PHF2: variants seen among roughly 807,000 people sequenced by gnomAD.
PHF2 encodes the protein PHD finger protein 2, also known as lysine-specific demethylase PHF2.
Under a neutral mutation model 120.5 loss-of-function variants are expected in PHF2, and 27 were observed. The ratio of observed to expected loss-of-function variants is 0.22; its 90% CI spans 0.17 to 0.31. The LOEUF (loss-of-function observed/expected upper bound fraction) is 0.31. Ranked by LOEUF, PHF2 falls within the 10% of genes least tolerant of loss-of-function variation. The pLI, the probability that PHF2 is intolerant of heterozygous loss-of-function variation, is 1.00. For missense variants in PHF2, 1,024 were observed against 1,434.8 expected, an observed-to-expected ratio of 0.71 and a Z score of 4.63; for synonymous variants, 568 against 592.5, an observed-to-expected ratio of 0.96 and a Z score of 0.60.
intron 1 of PHF2, among the ~76,000 whole-genome samples, chr9:93,608,233 G>A: frequency 6.6e-6 from 1 of 152,068 alleles, no homozygotes. Context: ...TAAGGTGAGA[G>A]GATTGCTTGA....
At chr9:93,665,595 C>T (rs975578815) in intron 14 of PHF2, 91 bp from the exon 15 acceptor site, 43 of 1,404,442 alleles carry the variant, frequency 3.1e-5, no homozygotes, top group East Asian at 2.5e-4. Flanking sequence ...CATCCTGCCG[C>T]GGCCCTGGCA....
intron 1 of PHF2, among the ~76,000 whole-genome samples, chr9:93,605,671 C>G (rs1825530020): frequency 6.6e-6 from 1 of 152,190 alleles, no homozygotes; most frequent in African/African-American, 2.4e-5. Context: ...AGTATGTCGG[C>G]TTTTCACTTG....
intron 1 of PHF2, among the ~76,000 whole-genome samples, chr9:93,620,966 C>G (rs1199227170): frequency 6.6e-6 from 1 of 152,250 alleles, no homozygotes; most frequent in African/African-American, 2.4e-5. Flanking sequence ...ACAATCGAAG[C>G]CCTGGATCCT....
At chr9:93,638,447 T>G (rs1826126252) in intron 3 of PHF2, among the ~76,000 whole-genome samples, 1 of 152,228 alleles carries the variant, frequency 6.6e-6, no homozygotes, top group South Asian at 2.1e-4. Flanking sequence ...TGAGCTTATT[T>G]TTGTATATGG....
chr9:93,671,070 G>A (rs1826774293), intron 17 of PHF2: 2 of 977,956 alleles, frequency 2.0e-6, no homozygotes, highest in South Asian at 9.5e-5. Context: ...TGCAGGTGGG[G>A]GTGCAGGGTG....
intron 1 of PHF2, among the ~76,000 whole-genome samples, chr9:93,613,554 C>G (rs1426463514): frequency 7.5e-6 from 1 of 134,150 alleles, no homozygotes; most frequent in East Asian, 2.4e-4. Flanking sequence ...TTCTGATTTT[C>G]TTTTTCTTTT....
intron 17 of PHF2, among the ~76,000 whole-genome samples, chr9:93,667,967 G>T (rs1826713512): frequency 2.0e-5 from 3 of 152,198 alleles, no homozygotes; most frequent in East Asian, 3.8e-4. Context: ...GCAACCCAGG[G>T]CCATGCTGCT....
At chr9:93,637,840 C>T (rs1210495661) in intron 3 of PHF2, among the ~76,000 whole-genome samples, 2 of 152,186 alleles carry the variant, frequency 1.3e-5, no homozygotes, top group Non-Finnish European at 1.5e-5. Context: ...CTCTGTTTAA[C>T]TGTTTGAAGA....
rs138856483 is a variant in PHF2 at position 93,667,237 on chromosome 9, G to A, written c.2345G>A (p.Ser782Asn). The change falls in exon 17 of 22, where the codon AGC becomes AAC. Residue 782 changes from serine to asparagine, a missense_variant. Transcript: ENST00000359246. The part of the protein sequence containing the change: ...EEVGALEYNP[S>N]SQPPASPSTQ... ...GTTGGCGCGCTGGAGTACAACCCCA[G>A]CAGGTGGGCCCCACCACCCGGCAGC... is the stretch of plus-strand genomic sequence containing the variant. 1.7e-5 allele frequency: 28 copies of A among 1,608,956 alleles called. No individual in the cohort carries two copies. Among genetic ancestry groups the A allele is most frequent in the African/African-American group, 5.3e-5 (4 of 74,898 alleles).
rs1826666147 is a variant in PHF2 at position 93,665,767 on chromosome 9, G to C, written c.2019G>C (p.Val673=). 1 of 1,614,156 alleles carries C rather than the reference G, an allele frequency of 6.2e-7. No homozygotes were observed. Among genetic ancestry groups the C allele is most frequent in the African/African-American group, 1.3e-5 (1 of 75,068 alleles). Reference sequence around the variant, plus strand: ...TCAAGGAGGACAAGCCCAAGCCCGTGCGGGATGAGTATGAGTACGTGTCGG... The same window carrying C: ...TCAAGGAGGACAAGCCCAAGCCCGTCCGGGATGAGTATGAGTACGTGTCGG... ...QNFKEDKPKP[V]RDEYEYVSDD... Residue 673 remains valine (V), a synonymous_variant, in exon 15 of 22, where the codon GTG becomes GTC. Transcript: ENST00000359246.
chr9:93,588,337 G>A (rs1204045280), intron 1 of PHF2, among the ~76,000 whole-genome samples: 2 of 152,230 alleles, frequency 1.3e-5, no homozygotes, highest in Non-Finnish European at 2.9e-5. Context: ...GAGGGGAGCA[G>A]CTCCAGGTGA....
At chr9:93,586,130 G>C (rs1863039999) in intron 1 of PHF2, among the ~76,000 whole-genome samples, 1 of 152,238 alleles carries the variant, frequency 6.6e-6, no homozygotes, top group African/African-American at 2.4e-5. Context: ...GGGGTGAAGT[G>C]GGGCTTTGGG....
chr9:93,656,619 G>A lies in PHF2; in HGVS notation c.1147+24G>A, dbSNP rs1004065143. On this transcript the variant is annotated intron_variant, in intron 9 of 21. Transcript: ENST00000359246. This position sits in a 1 kb window ranked among gnomAD's most constrained non-coding sequence, Gnocchi z 4.1. Reference sequence around the variant, plus strand: ...AGGTACTGGTCACTCCGGGGTGGGCGTCCAAGCCTGGGGCTCTTGGCTGTG... The same window carrying A: ...AGGTACTGGTCACTCCGGGGTGGGCATCCAAGCCTGGGGCTCTTGGCTGTG... 37 of 1,542,062 alleles carry A rather than the reference G, an allele frequency of 2.4e-5. No homozygotes were observed. The highest frequency in any genetic ancestry group is 1.9e-4 in the Middle Eastern group (1 of 5,362).
At chr9:93,607,004 CTG>C (rs2131622445) in intron 1 of PHF2, among the ~76,000 whole-genome samples, 1 of 152,270 alleles carries the variant, frequency 6.6e-6, no homozygotes, top group South Asian at 2.1e-4. Flanking sequence ...GATTGGTTGA[CTG>C]TATTTGTGTG....
At position 93,656,085 on chromosome 9, in the gene PHF2, C is replaced by T. The variant is rs73523904; in HGVS notation, c.1040+64C>T. 25,775 of 1,398,140 alleles carry T rather than the reference C, an allele frequency of 0.018. 305 individuals carry two copies. Among genetic ancestry groups the T allele is most frequent in the Middle Eastern group, 0.032 (176 of 5,564 alleles). The allele number at this position is 1,398,140 out of a possible 1,614,324, so 86.6% of individuals were successfully genotyped here. The stretch of plus-strand genomic sequence containing the variant: ...AGCAGCGTCCTCCCTCTAGCTGGGT[C>T]GGTGCTAGATGCCTTGGGCTGAGTC... On this transcript the variant is annotated intron_variant, in intron 8 of 21. Coordinates refer to ENST00000359246, the MANE Select transcript of PHF2 (RefSeq NM_005392.4). The surrounding 1 kb of genome is among the most constrained non-coding windows in gnomAD (Gnocchi z 4.1).
At chr9:93,629,893 C>T (rs1825971326) in intron 1 of PHF2, 77 bp from the exon 2 acceptor site, 2 of 1,394,102 alleles carry the variant, frequency 1.4e-6, no homozygotes, top group East Asian at 4.6e-5. Flanking sequence ...CAGGGATTCT[C>T]CCTAGAGCTT....
In PHF2 at chr9:93,627,492, A is replaced by ATTTTTTTTTTTT. The variant is rs55647503; in HGVS notation, c.99-2473_99-2462dup. Among the ~76,000 whole-genome samples the ATTTTTTTTTTTT allele has an allele frequency of 6.4e-3, 694 of 108,034 alleles. 37 individuals carry two copies. The highest frequency in any genetic ancestry group is 7.7e-3 in the Non-Finnish European group (422 of 54,806). 70.9% of individuals were successfully genotyped at this position (108,034 alleles called of 152,430 possible). A position where few individuals can be genotyped will look rare whatever the true frequency, so the allele number is the denominator to read the frequency against. ...CAATTCAGACTCCTTTTATTTCAGG[A>ATTTTTTTTTTTT]TTTTTTTTTTTTTTTTGTCTAATTG... is the stretch of plus-strand genomic sequence containing the variant. On this transcript the variant is annotated intron_variant, in intron 1 of 21. Transcript: ENST00000359246.
In PHF2 at chr9:93,621,761, AC is replaced by A. The variant is rs147679135; in HGVS notation, c.99-8205del. Among the ~76,000 whole-genome samples the A allele has an allele frequency of 4.4e-3, 669 of 150,792 alleles. 7 individuals are homozygous for A. Among genetic ancestry groups the A allele is most frequent in the African/African-American group, 0.016 (636 of 40,960 alleles). On this transcript the variant is annotated intron_variant, in intron 1 of 21. Coordinates refer to ENST00000359246, the MANE Select transcript of PHF2 (RefSeq NM_005392.4). ...GTGCTGTCTGCCCCCAGGATCCAGG[AC>A]CCCGTGCCAATATCCAGAGCTGAGG...
rs1054911466 is a variant in PHF2, at chr9:93,649,004, C to T, written c.461-67C>T. Reference sequence around the variant, plus strand: ...GCCAAGAGTGTGTGTCCACTCCACACGTCCTGGCCTCAGGGAGGCTGTGCC... The same window carrying T: ...GCCAAGAGTGTGTGTCCACTCCACATGTCCTGGCCTCAGGGAGGCTGTGCC... On this transcript the variant is annotated intron_variant, in intron 4 of 21. Transcript: ENST00000359246. 1.9e-5 allele frequency: 29 copies of T among 1,527,032 alleles called. No homozygotes were observed. The South Asian group carries it at 2.2e-4, about 11-fold the overall frequency. 94.6% of individuals were successfully genotyped at this position (1,527,032 alleles called of 1,614,324 possible). A position where few individuals can be genotyped will look rare whatever the true frequency, so the allele number is the denominator to read the frequency against.
Sources: allele counts gnomAD v4.1 joint callset (sites outside exome capture counted in the v4.1 genomes callset), GRCh38; gene constraint gnomAD v4.1.1; non-coding constraint Gnocchi (gnomAD v3.1); transcripts MANE v1.5; gene names NCBI Gene and HGNC (gene_info 2026-07-23, HGNC 2026-07-21).